The following NRG3 variants were observed in gnomAD, a reference collection of about 807,000 sequenced individuals.
NRG3 encodes neuregulin 3.
NRG3 carries 31 observed loss-of-function variants against 66.9 expected under a neutral mutation model. The ratio of observed to expected loss-of-function variants is 0.46; its 90% confidence interval spans 0.35 to 0.63. The LOEUF is 0.63. Ranked by LOEUF, NRG3 falls within the 20% of genes least tolerant of loss-of-function variation. NRG3 has a pLI of 0.00. For synonymous variants in NRG3, 393 were observed against 359.4 expected (o/e 1.09, Z -1.06); for missense variants, 910 against 878.9 (o/e 1.04, Z -0.45).
At chr10:82,346,262 T>C (rs1372289382) in intron 1 of NRG3, among the ~76,000 whole-genome samples, 2 of 149,874 alleles carry the variant, frequency 1.3e-5, no homozygotes, top group Non-Finnish European at 2.9e-5. Context: ...TTATTGAGAG[T>C]TTTTAGCATG....
At chr10:81,919,371 G>A (rs935113944) in intron 1 of NRG3, among the ~76,000 whole-genome samples, 5 of 152,158 alleles carry the variant, frequency 3.3e-5, no homozygotes, top group East Asian at 1.9e-4. Context: ...CTCTTTGAAC[G>A]TCTCCTCCCT....
chr10:82,195,321 AAG>A (rs1353424556), intron 1 of NRG3, among the ~76,000 whole-genome samples: 1 of 152,220 alleles, frequency 6.6e-6, no homozygotes, highest in Non-Finnish European at 1.5e-5. Context: ...ACTTTGGTCA[AAG>A]AGTATTTTGA....
At chr10:82,841,055 G>A (rs1021287465) in intron 3 of NRG3, among the ~76,000 whole-genome samples, 2 of 152,156 alleles carry the variant, frequency 1.3e-5, no homozygotes, top group Non-Finnish European at 2.9e-5. Flanking sequence ...TCTTCATAAA[G>A]AGAGAGAAAC....
intron 2 of NRG3, among the ~76,000 whole-genome samples, chr10:82,596,652 T>C (rs971774847): frequency 6.6e-6 from 1 of 152,138 alleles, no homozygotes; most frequent in African/African-American, 2.4e-5. Flanking sequence ...TTTAGCGGTA[T>C]GTTTTTACCT....
chr10:81,994,910 G>T (rs61129177), intron 1 of NRG3, among the ~76,000 whole-genome samples: 6 of 152,042 alleles, frequency 3.9e-5, no homozygotes, highest in Non-Finnish European at 8.8e-5. Flanking sequence ...GTTCTAAAAC[G>T]TCAGTTTTCT....
chr10:82,582,094 T>C (rs1423961441), intron 2 of NRG3, among the ~76,000 whole-genome samples: 1 of 152,096 alleles, frequency 6.6e-6, no homozygotes, highest in Non-Finnish European at 1.5e-5. Flanking sequence ...GAATTCAGCA[T>C]CTAGGCACTC....
chr10:82,115,564 A>G (rs1308110405), intron 1 of NRG3, among the ~76,000 whole-genome samples: 2 of 152,010 alleles, frequency 1.3e-5, no homozygotes, highest in Non-Finnish European at 2.9e-5. Context: ...TGGTTCCCTT[A>G]CTTATATCAG....
At chr10:82,572,350 C>G (rs1200555620) in intron 2 of NRG3, among the ~76,000 whole-genome samples, 1 of 145,448 alleles carries the variant, frequency 6.9e-6, no homozygotes, top group Non-Finnish European at 1.5e-5. Flanking sequence ...CTATTTTGTA[C>G]AAAAAAAAAA....
chr10:82,541,260 G>A (rs996689611), intron 2 of NRG3, among the ~76,000 whole-genome samples: 3 of 152,034 alleles, frequency 2.0e-5, no homozygotes, highest in African/African-American at 4.8e-5. Flanking sequence ...ATATAAATAC[G>A]CATGCATATA....
At chr10:82,257,943 G>C (rs2077820326) in intron 1 of NRG3, among the ~76,000 whole-genome samples, 2 of 152,118 alleles carry the variant, frequency 1.3e-5, no homozygotes, top group Admixed American at 6.5e-5. Context: ...GGCCTTACAT[G>C]AGTGGATAAC....
intron 3 of NRG3, among the ~76,000 whole-genome samples, chr10:82,865,148 C>T (rs1840582604): frequency 6.6e-6 from 1 of 152,136 alleles, no homozygotes; most frequent in Non-Finnish European, 1.5e-5. Flanking sequence ...ACTTAGCATT[C>T]TTCATGATGT....
At chr10:82,417,778 A>G (rs920006218) in intron 2 of NRG3, among the ~76,000 whole-genome samples, 1 of 152,216 alleles carries the variant, frequency 6.6e-6, no homozygotes, top group Non-Finnish European at 1.5e-5. Flanking sequence ...GCCCAGCCTC[A>G]GCGAGCAAGG....
intron 1 of NRG3, among the ~76,000 whole-genome samples, chr10:82,053,635 G>T (rs559732520): frequency 6.6e-6 from 1 of 152,294 alleles, no homozygotes; most frequent in Admixed American, 6.5e-5. Context: ...GGACAAACAG[G>T]TGAATAAAAC....
intron 1 of NRG3, among the ~76,000 whole-genome samples, chr10:82,183,945 G>C (rs973113692): frequency 6.6e-6 from 1 of 152,108 alleles, no homozygotes; most frequent in Non-Finnish European, 1.5e-5. Flanking sequence ...CCAAGGAGTT[G>C]CCCTTGTCTA....
chr10:82,326,078 A>G (rs57017211), intron 1 of NRG3, among the ~76,000 whole-genome samples: 3,028 of 152,268 alleles, frequency 0.02, 108 homozygotes, highest in African/African-American at 0.069. Context: ...CAACTCTGTT[A>G]CTGCTGGATT....
intron 1 of NRG3, among the ~76,000 whole-genome samples, chr10:81,946,730 T>C (rs1015504715): frequency 6.6e-6 from 1 of 152,204 alleles, no homozygotes; most frequent in Non-Finnish European, 1.5e-5. Context: ...TATGAATACA[T>C]GAGCTGTCCA....
intron 3 of NRG3, among the ~76,000 whole-genome samples, chr10:82,789,279 T>A (rs1306399825): frequency 1.3e-5 from 2 of 152,134 alleles, no homozygotes; most frequent in Non-Finnish European, 2.9e-5. Flanking sequence ...TTGATGACCA[T>A]TTTAAAATCT....
At chr10:82,324,212 T>C (rs1015823004) in intron 1 of NRG3, among the ~76,000 whole-genome samples, 5 of 152,264 alleles carry the variant, frequency 3.3e-5, no homozygotes, top group South Asian at 4.1e-4. Flanking sequence ...GTGACATAAA[T>C]TTGTTCCATA....
chr10:82,120,003 A>C (rs2067983192), intron 1 of NRG3, among the ~76,000 whole-genome samples: 1 of 152,156 alleles, frequency 6.6e-6, no homozygotes. Flanking sequence ...TTTTAAGGGA[A>C]TATGACACAG....
Sources: allele counts gnomAD v4.1 joint callset (sites outside exome capture counted in the v4.1 genomes callset), GRCh38; gene constraint gnomAD v4.1.1; transcripts MANE v1.5; gene names NCBI Gene and HGNC (gene_info 2026-07-23, HGNC 2026-07-21).